GLIS3: variants seen among roughly 807,000 people sequenced by gnomAD.
GLIS3 encodes GLIS family zinc finger 3.
Under a neutral mutation model 78.6 loss-of-function variants are expected in GLIS3, and 53 were observed. The observed-to-expected ratio is 0.67, with a 90% confidence interval of 0.54 to 0.85. The LOEUF (loss-of-function observed/expected upper bound fraction) is 0.85, where lower values mean the gene tolerates loss of function less well. Among genes scored for constraint, GLIS3 ranks in the 40% least tolerant of loss-of-function variants. The pLI is 0.00. For synonymous variants in GLIS3, 684 were observed against 509.9 expected, an observed-to-expected ratio of 1.34 and a Z score of -4.60; for missense variants, 1,703 against 1,231.1, an observed-to-expected ratio of 1.38 and a Z score of -5.74.
the GLIS3 span, among the ~76,000 whole-genome samples, chr9:4,399,592 A>T: frequency 1.6e-4 from 25 of 152,348 alleles, no homozygotes; most frequent in Admixed American, 9.1e-4. Context: ...TTAATCTTGT[A>T]ATTTGTTATT....
At chr9:4,139,047 G>C (rs1160482514) in intron 2 of GLIS3, among the ~76,000 whole-genome samples, 3 of 152,142 alleles carry the variant, frequency 2.0e-5, no homozygotes, top group Admixed American at 2.0e-4. Flanking sequence ...GTGAGACCAG[G>C]CTGGGAAGAG....
intron 4 of GLIS3, among the ~76,000 whole-genome samples, chr9:4,079,858 GTAAAC>G (rs1252499722): frequency 5.3e-5 from 8 of 151,412 alleles, no homozygotes; most frequent in Non-Finnish European, 1.2e-4. Flanking sequence ...CTACTGATAA[GTAAAC>G]ATCAACACTG....
At chr9:4,359,457 A>C in the GLIS3 span, among the ~76,000 whole-genome samples, 1 of 152,134 alleles carries the variant, frequency 6.6e-6, no homozygotes, top group East Asian at 1.9e-4. Context: ...TAAATCCTAC[A>C]ATCTTTCAGC....
At chr9:4,434,610 G>A in the GLIS3 span, among the ~76,000 whole-genome samples, 70 of 152,266 alleles carry the variant, frequency 4.6e-4, 1 homozygote, top group African/African-American at 1.6e-3. Flanking sequence ...ATGGATGAAT[G>A]GATGGATACA....
At chr9:4,291,803 C>T (rs1194033149) in intron 1 of GLIS3, among the ~76,000 whole-genome samples, 1 of 152,162 alleles carries the variant, frequency 6.6e-6, no homozygotes, top group Non-Finnish European at 1.5e-5. Context: ...AGTTCAATAA[C>T]CTCTCTTAGA....
intron 4 of GLIS3, among the ~76,000 whole-genome samples, chr9:3,983,050 C>T (rs2129638429): frequency 6.6e-6 from 1 of 152,172 alleles, no homozygotes; most frequent in Non-Finnish European, 1.5e-5. Flanking sequence ...TGGCTGTGTC[C>T]CCACCCAAAT....
At chr9:4,294,834 C>G (rs918852917) in intron 1 of GLIS3, among the ~76,000 whole-genome samples, 1 of 152,140 alleles carries the variant, frequency 6.6e-6, no homozygotes, top group Admixed American at 6.5e-5. Flanking sequence ...TATTCACATA[C>G]ATTTATTCTA....
At chr9:4,474,985 A>ATTTTTTTTTTTTTTT in the GLIS3 span, among the ~76,000 whole-genome samples, 15 of 114,512 alleles carry the variant, frequency 1.3e-4, 2 homozygotes, top group African/African-American at 4.5e-4. Flanking sequence ...GACTATGTTA[A>ATTTTTTTTTTTTTTT]TTTTTTTTTC....
intron 4 of GLIS3, among the ~76,000 whole-genome samples, chr9:3,947,084 T>C (rs1441126219): frequency 2.0e-5 from 3 of 152,142 alleles, no homozygotes; most frequent in Non-Finnish European, 4.4e-5. Context: ...TCCAATCCAG[T>C]GTCCCAGGTT....
chr9:3,871,613 T>A (rs1218535684), intron 8 of GLIS3, among the ~76,000 whole-genome samples: 1 of 152,194 alleles, frequency 6.6e-6, no homozygotes, highest in Non-Finnish European at 1.5e-5. Flanking sequence ...TCTGAAGCCA[T>A]GGCCAGAGCT....
intron 4 of GLIS3, among the ~76,000 whole-genome samples, chr9:4,026,591 A>T (rs967131452): frequency 6.6e-6 from 1 of 152,240 alleles, no homozygotes; most frequent in Admixed American, 6.5e-5. Context: ...TCATCTGCAT[A>T]CATAATGCAG....
At chr9:4,208,578 A>C (rs1229082257) in intron 2 of GLIS3, among the ~76,000 whole-genome samples, 1 of 152,218 alleles carries the variant, frequency 6.6e-6, no homozygotes, top group Non-Finnish European at 1.5e-5. Flanking sequence ...CCCGTTTGGG[A>C]GAGGGGATTT....
intron 1 of GLIS3, among the ~76,000 whole-genome samples, chr9:4,299,000 C>T (rs1182576781): frequency 1.3e-5 from 2 of 152,204 alleles, no homozygotes; most frequent in African/African-American, 2.4e-5. Context: ...CAAAGTTTCC[C>T]TTCAGTGGGG....
chr9:3,859,350 AACACACACACAC>A lies in GLIS3; in HGVS notation c.2298-3178_2298-3167del, dbSNP rs34973607. On this transcript the variant is annotated intron_variant, in intron 8 of 10. Coordinates refer to ENST00000381971, the MANE Select transcript of GLIS3 (RefSeq NM_001042413.2). Reference sequence around the variant, plus strand: ...CTACTTTCCAACCCTGTTTCTTCGAAACACACACACACACACACACACACACACACACACACA... The same window carrying A: ...CTACTTTCCAACCCTGTTTCTTCGAAACACACACACACACACACACACACA... Among the ~76,000 whole-genome samples, 626 of 148,950 alleles carry A rather than the reference AACACACACACAC, an allele frequency of 4.2e-3. 5 individuals are homozygous for A. The highest frequency in any genetic ancestry group is 0.012 in the African/African-American group (500 of 40,130).
chr9:4,436,467 C>A, the GLIS3 span, among the ~76,000 whole-genome samples: 1 of 152,048 alleles, frequency 6.6e-6, no homozygotes, highest in Admixed American at 6.6e-5. Context: ...GCCACCATGA[C>A]CCCCAAGCTA....
chr9:4,392,334 C>A, the GLIS3 span, among the ~76,000 whole-genome samples: 5 of 152,236 alleles, frequency 3.3e-5, no homozygotes, highest in Admixed American at 2.0e-4. Context: ...TGCTGCAAAC[C>A]ACCATGGCAC....
In GLIS3 at chr9:3,828,412, G is replaced by C. The variant is rs777809882; in HGVS notation, c.2657-4C>G. On this transcript the variant is annotated splice_polypyrimidine_tract_variant and splice_region_variant and intron_variant, in intron 10 of 10. Coordinates refer to ENST00000381971, the MANE Select transcript of GLIS3 (RefSeq NM_001042413.2). ...GAACTTGAAGGTAAATCATACACTG[G>C]AAGAGAAAGAACGCAGTTAAGTCAG... 10 of 1,612,692 alleles carry C rather than the reference G, an allele frequency of 6.2e-6. No individual in the cohort carries two copies. In the East Asian group the frequency reaches 2.0e-4, roughly 32 times the overall value.
At chr9:4,480,431 G>C in the GLIS3 span, among the ~76,000 whole-genome samples, 6 of 151,988 alleles carry the variant, frequency 3.9e-5, no homozygotes, top group Non-Finnish European at 8.8e-5. Context: ...TGAAGTCCAG[G>C]TTCAAGTGAT....
At chr9:4,155,417 G>GTCA (rs1834979184) in intron 2 of GLIS3, among the ~76,000 whole-genome samples, 2 of 152,338 alleles carry the variant, frequency 1.3e-5, no homozygotes, top group East Asian at 3.9e-4. Context: ...CCTGGCCGTG[G>GTCA]CGTAGATTCT....
Sources: allele counts gnomAD v4.1 joint callset (sites outside exome capture counted in the v4.1 genomes callset), GRCh38; gene constraint gnomAD v4.1.1; transcripts MANE v1.5; gene names NCBI Gene and HGNC (gene_info 2026-07-23, HGNC 2026-07-21).